Variants in PTPN6 observed in about 807,000 individuals in gnomAD.
PTPN6 encodes the protein protein tyrosine phosphatase non-receptor type 6.
In PTPN6, 18 loss-of-function variants were observed where a neutral mutation model predicts 81.5. That is an observed-to-expected ratio of 0.22 (90% CI 0.15 to 0.33). PTPN6 has a LOEUF of 0.33. PTPN6 is among the 10% of genes least tolerant of loss of function. The pLI is 1.00. For missense variants in PTPN6, 500 were observed against 794.2 expected (o/e 0.63, Z 4.45); for synonymous variants, 301 against 310.9 (o/e 0.97, Z 0.33).
chr12:6,953,937 T>C (rs1190450701), intron 3 of PTPN6, among the ~76,000 whole-genome samples: 1 of 152,158 alleles, frequency 6.6e-6, no homozygotes, highest in East Asian at 1.9e-4. Context: ...GTCCCTGGGC[T>C]GAGGAAACCT....
intron 11 of PTPN6, among the ~76,000 whole-genome samples, chr12:6,958,784 A>C (rs782307624): frequency 4.6e-5 from 7 of 152,206 alleles, no homozygotes; most frequent in Non-Finnish European, 1.0e-4. Flanking sequence ...CAGTGGGTGC[A>C]GGGCCCCTCC....
Position 6,960,138 on chromosome 12 carries a change from C to T in PTPN6, c.1480C>T (p.Gln494Ter). The T allele has an allele frequency of 6.2e-7, 1 of 1,613,720 alleles. No homozygotes were observed. The highest frequency in any genetic ancestry group is 2.2e-5 in the East Asian group (1 of 44,870). Residue 494 changes from glutamine (Q) to a stop codon, truncating the protein, a stop_gained, in exon 13 of 16, where the codon CAG (glutamine) becomes TAG (stop). Coordinates refer to ENST00000318974, the MANE Select transcript of PTPN6 (RefSeq NM_002831.6). LOFTEE classifies it high-confidence loss of function. This position sits in a 1 kb window ranked among gnomAD's most constrained non-coding sequence, Gnocchi z 6.1. The part of the protein sequence containing the change: ...IQKTIQMVRA[Q>*]RSGMVQTEAQ... ...GAAGACCATCCAGATGGTGCGGGCG[C>T]AGCGCTCGGGCATGGTGCAGACGGA... is the stretch of plus-strand genomic sequence containing the variant.
rs766916646 is a variant in PTPN6 at position 6,952,760 on chromosome 12, C to T, written c.326+583C>T. 1.2e-5 allele frequency: 2 copies of T among 167,366 alleles called. No homozygotes were observed. The highest frequency in any genetic ancestry group is 2.4e-5 in the African/African-American group (1 of 41,684). The allele number at this position is 167,366 out of a possible 1,614,324, so 10.4% of individuals were successfully genotyped here. ...GTGTTCACCTGTGTAAAGTGTCTCA[C>T]GCTGTCCCGGGCACAGAGTAATACT... On this transcript the variant is annotated intron_variant, in intron 3 of 15. Transcript: ENST00000318974. This position sits in a 1 kb window ranked among gnomAD's most constrained non-coding sequence, Gnocchi z 8.1.
In PTPN6 at chr12:6,960,526, T is replaced by C. The variant is rs1946119298; in HGVS notation, c.1673+91T>C. On this transcript the variant is annotated intron_variant, in intron 14 of 15. Transcript: ENST00000318974. This position sits in a 1 kb window ranked among gnomAD's most constrained non-coding sequence, Gnocchi z 6.1. ...TTCTGGAGAGGACAAGTGTTGCAGC[T>C]GGGGGGACCTGGCTTCAAGTTCAGG... is the stretch of plus-strand genomic sequence containing the variant. 6.8e-7 allele frequency: 1 copy of C among 1,461,328 alleles called. No individual in the cohort carries two copies. Among genetic ancestry groups the C allele is most frequent in the South Asian group, 1.2e-5 (1 of 83,680 alleles). The allele number at this position is 1,461,328 out of a possible 1,614,324, so 90.5% of individuals were successfully genotyped here.
In PTPN6 at chr12:6,954,674, A is replaced by G; in HGVS notation, c.327-131A>G. The G allele has an allele frequency of 1.2e-6, 1 of 859,694 alleles. No homozygotes were observed. Among genetic ancestry groups the G allele is most frequent in the South Asian group, 1.5e-5 (1 of 65,466 alleles). 53.3% of individuals were successfully genotyped at this position (859,694 alleles called of 1,614,324 possible). A position where few individuals can be genotyped will look rare whatever the true frequency, so the allele number is the denominator to read the frequency against. ...GTGAGAGACCTAAATGAGGTGGTGG[A>G]TTTGGAAGCATGTAGCGCAGTGCCT... On this transcript the variant is annotated intron_variant, in intron 3 of 15. Coordinates refer to ENST00000318974, the MANE Select transcript of PTPN6 (RefSeq NM_002831.6). This position sits in a 1 kb window ranked among gnomAD's most constrained non-coding sequence, Gnocchi z 5.4.
Position 6,956,020 on chromosome 12 carries a change from T to A in PTPN6, c.845-122T>A. ...GATCCCCCACCCCTGCTGCCCACAG[T>A]CCCCCGCAAGCCTCATGGCTTCTGA... On this transcript the variant is annotated intron_variant, in intron 7 of 15. Transcript: ENST00000318974. The surrounding 1 kb of genome is among the most constrained non-coding windows in gnomAD (Gnocchi z 4.1). 9.9e-7 allele frequency: 1 copy of A among 1,009,720 alleles called. No individual in the cohort carries two copies. The highest frequency in any genetic ancestry group is 1.3e-5 in the South Asian group (1 of 74,738). The allele number at this position is 1,009,720 out of a possible 1,614,324, so 62.5% of individuals were successfully genotyped here. A position where few individuals can be genotyped will look rare whatever the true frequency, so the allele number is the denominator to read the frequency against.
At chr12:6,949,303 T>C (rs1555147349), upstream of PTPN6, among the ~76,000 whole-genome samples, 1 of 152,232 alleles carries the variant, frequency 6.6e-6, no homozygotes, top group African/African-American at 2.4e-5. Context: ...GCACTGCCCA[T>C]GTGGACTCTG....
chr12:6,959,704 C>G lies in PTPN6; in HGVS notation c.1362-223C>G. ...GTGGAGGAGGGAAGGATGGTGGCAGCTGGGGAGCCAGCGTCAGCACCGCAG... is the reference window on the plus strand; with the variant it reads ...GTGGAGGAGGGAAGGATGGTGGCAGGTGGGGAGCCAGCGTCAGCACCGCAG... On this transcript the variant is annotated intron_variant, in intron 11 of 15. Coordinates refer to ENST00000318974, the MANE Select transcript of PTPN6 (RefSeq NM_002831.6). This position sits in a 1 kb window ranked among gnomAD's most constrained non-coding sequence, Gnocchi z 6.6. 2 of 607,118 alleles carry G rather than the reference C, an allele frequency of 3.3e-6. No individual in the cohort carries two copies. The highest frequency in any genetic ancestry group is 5.9e-6 in the Non-Finnish European group (2 of 340,302). 37.6% of individuals were successfully genotyped at this position (607,118 alleles called of 1,614,324 possible).
At chr12:6,958,415 G>A (rs2138279095) in intron 11 of PTPN6, among the ~76,000 whole-genome samples, 1 of 152,380 alleles carries the variant, frequency 6.6e-6, no homozygotes, top group South Asian at 2.1e-4. Context: ...CAGTAGGCCT[G>A]TGTCCCGGCT....
rs1555147702 is a variant in PTPN6 at position 6,951,472 on chromosome 12, C to A, written c.-41C>A. ...CTGCCTGCCCAGACTAGCTGCACCT[C>A]CTCATTCCCTGCGCCCCCTTCCTCT... On this transcript the variant is annotated 5_prime_UTR_variant, in exon 1 of 16. Transcript: ENST00000318974. The surrounding 1 kb of genome is among the most constrained non-coding windows in gnomAD (Gnocchi z 7.2). The A allele has an allele frequency of 6.2e-7, 1 of 1,613,440 alleles. No individual in the cohort carries two copies. The highest frequency in any genetic ancestry group is 2.2e-5 in the East Asian group (1 of 44,868).
At chr12:6,948,478 GAAGA>G (rs1329163645), upstream of PTPN6, among the ~76,000 whole-genome samples, 1 of 142,406 alleles carries the variant, frequency 7.0e-6, no homozygotes, top group African/African-American at 2.6e-5. Context: ...GGAAGGGAAG[GAAGA>G]AAGAAAAAGA....
Position 6,961,171 on chromosome 12 carries a change from C to A in PTPN6, c.*71C>A. 1 of 613,268 alleles carries A rather than the reference C, an allele frequency of 1.6e-6. No individual in the cohort carries two copies. Among genetic ancestry groups the A allele is most frequent in the Non-Finnish European group, 2.8e-6 (1 of 361,038 alleles). 38.0% of individuals were successfully genotyped at this position (613,268 alleles called of 1,614,324 possible). On this transcript the variant is annotated 3_prime_UTR_variant, in exon 16 of 16. Coordinates refer to ENST00000318974, the MANE Select transcript of PTPN6 (RefSeq NM_002831.6). ...AAGCATTTCGCGATGGACAGACTCA[C>A]AACCTGAACCTAGGAGTGCCCCATT...
rs797029470 is a variant in PTPN6 at position 6,960,260 on chromosome 12, G to GGC, written c.1581+22_1581+23insCG. 800 of 467,674 alleles carry GGC rather than the reference G, an allele frequency of 1.7e-3. 1 individual carries two copies. Among genetic ancestry groups the GGC allele is most frequent in the African/African-American group, 2.8e-3 (95 of 33,574 alleles). The allele number at this position is 467,674 out of a possible 1,614,324, so 29.0% of individuals were successfully genotyped here. ...TGCAGGTGCGTGCAGAGCAGGGCCT[G>GGC]GGGGGGGGGGGGGCTGCAGTGCAGG... On this transcript the variant is annotated intron_variant, in intron 13 of 15. Coordinates refer to ENST00000318974, the MANE Select transcript of PTPN6 (RefSeq NM_002831.6). This position sits in a 1 kb window ranked among gnomAD's most constrained non-coding sequence, Gnocchi z 6.1.
chr12:6,954,715 C>A lies in PTPN6; in HGVS notation c.327-90C>A. The A allele has an allele frequency of 7.4e-7, 1 of 1,342,984 alleles. No homozygotes were observed. The highest frequency in any genetic ancestry group is 1.9e-5 in the Admixed American group (1 of 51,748). 83.2% of individuals were successfully genotyped at this position (1,342,984 alleles called of 1,614,324 possible). Reference sequence around the variant, plus strand: ...CGCAGTGCCTGGCACACAGTAGGTGCTTGATTTCCGGCCCCTCTCTGTGAA... The same window carrying A: ...CGCAGTGCCTGGCACACAGTAGGTGATTGATTTCCGGCCCCTCTCTGTGAA... On this transcript the variant is annotated intron_variant, in intron 3 of 15. Transcript: ENST00000318974. The surrounding 1 kb of genome is among the most constrained non-coding windows in gnomAD (Gnocchi z 5.4).
In PTPN6 at chr12:6,957,211, G is replaced by A. The variant is rs1048851011; in HGVS notation, c.1075-443G>A. ...ATGCCTCGTTTTTGAAGACACAGCC[G>A]GAGCGCTGCCTCCTCTGTGAATCCA... On this transcript the variant is annotated intron_variant, in intron 9 of 15. Coordinates refer to ENST00000318974, the MANE Select transcript of PTPN6 (RefSeq NM_002831.6). This position sits in a 1 kb window ranked among gnomAD's most constrained non-coding sequence, Gnocchi z 6.5. Among the ~76,000 whole-genome samples, 5 of 152,292 alleles carry A rather than the reference G, an allele frequency of 3.3e-5. No individual in the cohort carries two copies. The highest frequency in any genetic ancestry group is 1.3e-4 in the Admixed American group (2 of 15,298).
Position 6,955,386 on chromosome 12 carries a change from G to T in PTPN6, c.648G>T (p.Thr216=). ...FVYLRQPYYA[T]RVNAADIENR... ...CCCCACCCCAGCCGTACTATGCCAC[G>T]AGGGTGAATGCGGCTGACATTGAGA... Residue 216 remains threonine, a synonymous_variant, in exon 6 of 16, where the codon ACG becomes ACT. Coordinates refer to ENST00000318974, the MANE Select transcript of PTPN6 (RefSeq NM_002831.6). This position sits in a 1 kb window ranked among gnomAD's most constrained non-coding sequence, Gnocchi z 7.2. 1 of 1,614,164 alleles carries T rather than the reference G, an allele frequency of 6.2e-7. No homozygotes were observed. The highest frequency in any genetic ancestry group is 1.1e-5 in the South Asian group (1 of 91,084).
Position 6,956,666 on chromosome 12 carries a change from G to A in PTPN6, c.1074+98G>A. 1 of 1,519,722 alleles carries A rather than the reference G, an allele frequency of 6.6e-7. No homozygotes were observed. The highest frequency in any genetic ancestry group is 9.0e-7 in the Non-Finnish European group (1 of 1,108,796). 94.1% of individuals were successfully genotyped at this position (1,519,722 alleles called of 1,614,324 possible). On this transcript the variant is annotated intron_variant, in intron 9 of 15. Transcript: ENST00000318974. This position sits in a 1 kb window ranked among gnomAD's most constrained non-coding sequence, Gnocchi z 4.1. ...TGCCAGGGCAGAAAGGGATCTCAGG[G>A]GTGAGGGTCCGGCCCTTGTTGGGAA...
Position 6,960,515 on chromosome 12 carries a change from A to G in PTPN6, c.1673+80A>G. On this transcript the variant is annotated intron_variant, in intron 14 of 15. Transcript: ENST00000318974. This position sits in a 1 kb window ranked among gnomAD's most constrained non-coding sequence, Gnocchi z 6.1. ...CGATCCTCACTTTCTGGAGAGGACAAGTGTTGCAGCTGGGGGGACCTGGCT... is the reference window on the plus strand; with the variant it reads ...CGATCCTCACTTTCTGGAGAGGACAGGTGTTGCAGCTGGGGGGACCTGGCT... 1 of 1,499,174 alleles carries G rather than the reference A, an allele frequency of 6.7e-7. No homozygotes were observed. The highest frequency in any genetic ancestry group is 2.4e-5 in the East Asian group (1 of 41,920). The allele number at this position is 1,499,174 out of a possible 1,614,324, so 92.9% of individuals were successfully genotyped here. A position where few individuals can be genotyped will look rare whatever the true frequency, so the allele number is the denominator to read the frequency against.
rs374834069 is a variant in PTPN6, at chr12:6,960,269, G to A, written c.1581+30G>A. The A allele has an allele frequency of 1.6e-5, 25 of 1,605,814 alleles. No homozygotes were observed. The highest frequency in any genetic ancestry group is 2.0e-5 in the Non-Finnish European group (24 of 1,177,532). ...GTGCAGAGCAGGGCCTGGGGGGGGG[G>A]GGGGCTGCAGTGCAGGATGGGTGCC... On this transcript the variant is annotated intron_variant, in intron 13 of 15. Transcript: ENST00000318974. This position sits in a 1 kb window ranked among gnomAD's most constrained non-coding sequence, Gnocchi z 6.1.
Sources: gnomAD v4.1 joint callset for allele counts (sites outside exome capture counted in the v4.1 genomes callset) on GRCh38, gnomAD v4.1.1 for gene constraint, Gnocchi (gnomAD v3.1) non-coding constraint, MANE v1.5 for transcripts, NCBI Gene and HGNC (gene_info 2026-07-23, HGNC 2026-07-21) for gene names.